Variants in SASH1 observed in about 807,000 individuals in gnomAD.
The protein encoded by SASH1 is SAM and SH3 domain containing 1, also known as SAM and SH3 domain-containing protein 1.
Under a neutral mutation model 125.2 loss-of-function variants are expected in SASH1, and 44 were observed. That is an observed-to-expected ratio of 0.35 (90% CI 0.28 to 0.45). The LOEUF is 0.45. Ranked by LOEUF, SASH1 falls within the 20% of genes least tolerant of loss-of-function variation. The probability of loss-of-function intolerance (pLI) is 1.00; values close to 1 mark genes in which losing one functional copy is unlikely to be tolerated. For synonymous variants in SASH1, 639 were observed against 649.1 expected (o/e 0.98, Z 0.24); for missense variants, 1,426 against 1,614.5 (o/e 0.88, Z 2.00).
At chr6:148,367,781 T>C (rs73603304) in intron 1 of SASH1, among the ~76,000 whole-genome samples, 2,022 of 152,332 alleles carry the variant, frequency 0.013, 42 homozygotes, top group African/African-American at 0.046. Flanking sequence ...TTTCATTTTC[T>C]TATCTGCAGT....
intron 1 of SASH1, among the ~76,000 whole-genome samples, chr6:148,298,710 GAAGA>G: frequency 1.9e-5 from 1 of 51,872 alleles, no homozygotes; most frequent in Non-Finnish European, 3.6e-5. Flanking sequence ...AGGAAGGAAG[GAAGA>G]AGGAAGGGAA....
the SASH1 span, among the ~76,000 whole-genome samples, chr6:148,245,775 C>G: frequency 9.9e-5 from 15 of 151,912 alleles, no homozygotes; most frequent in Admixed American, 3.3e-4. Context: ...ATCACGAGGT[C>G]AGGAGATCGA....
chr6:148,474,202 A>T lies in SASH1; in HGVS notation c.607A>T (p.Ile203Phe), dbSNP rs201123710. 1 of 1,603,622 alleles carries T rather than the reference A, an allele frequency of 6.2e-7. No homozygotes were observed. The highest frequency in any genetic ancestry group is 8.5e-7 in the Non-Finnish European group (1 of 1,173,936). The change falls in exon 7 of 20, where the codon ATT (isoleucine) becomes TTT (phenylalanine). Residue 203 changes from isoleucine (I) to phenylalanine (F), a missense_variant. Physicochemically the swap from Ile to Phe is conservative, Grantham distance 21 (BLOSUM62 0). Around this residue, in one of 3 missense-constraint regions of SASH1, gnomAD observed 567 missense variants for 575.6 expected, o/e 0.99. Transcript: ENST00000367467. Reference sequence around the variant, plus strand: ...GATGGTCAAAGAAAAGATGATCACAATTGAGGAAGCACTTGCTAGGGTAAG... The same window carrying T: ...GATGGTCAAAGAAAAGATGATCACATTTGAGGAAGCACTTGCTAGGGTAAG... ...MMMVKEKMITIEEALARLKEY... is the reference protein window; with the variant it reads ...MMMVKEKMITFEEALARLKEY...
chr6:148,206,573 C>T, the SASH1 span, among the ~76,000 whole-genome samples: 14 of 151,992 alleles, frequency 9.2e-5, no homozygotes, highest in Non-Finnish European at 1.6e-4. Context: ...GTGGACCACC[C>T]GAAGTCAGGA....
At chr6:148,437,208 T>C (rs1464742234) in intron 2 of SASH1, among the ~76,000 whole-genome samples, 2 of 152,214 alleles carry the variant, frequency 1.3e-5, no homozygotes, top group Non-Finnish European at 2.9e-5. Context: ...GTTTATTCCA[T>C]TTTTCTTTCT....
chr6:148,336,280 A>T (rs1025867019), intron 1 of SASH1, among the ~76,000 whole-genome samples: 6 of 145,348 alleles, frequency 4.1e-5, no homozygotes, highest in Non-Finnish European at 8.9e-5. Context: ...GGTTCAAGAG[A>T]TTCTCCTGCC....
At chr6:148,366,739 A>T (rs1244368315) in intron 1 of SASH1, among the ~76,000 whole-genome samples, 1 of 151,698 alleles carries the variant, frequency 6.6e-6, no homozygotes, top group Non-Finnish European at 1.5e-5. Context: ...CTGGGATTAC[A>T]GGTACGGGCC....
intron 2 of SASH1, among the ~76,000 whole-genome samples, chr6:148,420,275 A>T (rs1407601532): frequency 6.6e-6 from 1 of 152,150 alleles, no homozygotes; most frequent in Non-Finnish European, 1.5e-5. Context: ...ATTAAGAAAA[A>T]CCGATTTTAA....
intron 1 of SASH1, among the ~76,000 whole-genome samples, chr6:148,314,786 T>C (rs1262793918): frequency 7.0e-6 from 1 of 141,950 alleles, no homozygotes; most frequent in Non-Finnish European, 1.6e-5. Flanking sequence ...TTTTTTTTTT[T>C]TGAGACGGAG....
chr6:148,352,557 A>G (rs1265300628), intron 1 of SASH1, among the ~76,000 whole-genome samples: 1 of 151,786 alleles, frequency 6.6e-6, no homozygotes, highest in Non-Finnish European at 1.5e-5. Context: ...AGATCACACC[A>G]CCGTACTCCA....
intron 2 of SASH1, among the ~76,000 whole-genome samples, chr6:148,391,927 C>T (rs543369334): frequency 1.3e-5 from 2 of 152,304 alleles, no homozygotes; most frequent in East Asian, 3.9e-4. Flanking sequence ...TTTGAGCCAT[C>T]TCATATAGTG....
intron 1 of SASH1, among the ~76,000 whole-genome samples, chr6:148,360,326 G>A (rs1583020113): frequency 1.3e-5 from 2 of 151,646 alleles, no homozygotes; most frequent in East Asian, 3.9e-4. Context: ...GGCTGCCACA[G>A]GACTTGCTTT....
At position 148,544,360 on chromosome 6, in the gene SASH1, C is replaced by T; in HGVS notation, c.2890C>T (p.Leu964=). 1.2e-6 allele frequency: 2 copies of T among 1,614,192 alleles called. No homozygotes were observed. Among genetic ancestry groups the T allele is most frequent in the Non-Finnish European group, 1.7e-6 (2 of 1,180,030 alleles). Reference sequence around the variant, plus strand: ...CGAGTTTGAAGGAACACACCATCCCCTGGGCACCAAAGAAGGGGTAGATGC... The same window carrying T: ...CGAGTTTGAAGGAACACACCATCCCTTGGGCACCAAAGAAGGGGTAGATGC... The part of the protein sequence containing the change: ...GHEFEGTHHP[L]GTKEGVDAEQ... The change falls in exon 18 of 20, where the codon CTG becomes TTG. Residue 964 remains leucine (L), a synonymous_variant. Coordinates refer to ENST00000367467, the MANE Select transcript of SASH1 (RefSeq NM_015278.5). This position sits in a 1 kb window ranked among gnomAD's most constrained non-coding sequence, Gnocchi z 6.4.
the SASH1 span, among the ~76,000 whole-genome samples, chr6:148,258,031 C>T: frequency 6.6e-6 from 1 of 152,096 alleles, no homozygotes; most frequent in Non-Finnish European, 1.5e-5. Flanking sequence ...CTGGCAAGCA[C>T]ATAAAAATGT....
chr6:148,316,173 G>A (rs914869887), intron 1 of SASH1, among the ~76,000 whole-genome samples: 1 of 152,168 alleles, frequency 6.6e-6, no homozygotes, highest in Non-Finnish European at 1.5e-5. Context: ...TGGAGTCAGA[G>A]TGCAATGTTT....
At chr6:148,313,017 C>A (rs1412302704) in intron 1 of SASH1, among the ~76,000 whole-genome samples, 1 of 152,064 alleles carries the variant, frequency 6.6e-6, no homozygotes, top group Non-Finnish European at 1.5e-5. Flanking sequence ...CTAAATGACA[C>A]CAGCAAGACA....
chr6:148,363,715 T>G (rs1782341194), intron 1 of SASH1, among the ~76,000 whole-genome samples: 1 of 151,912 alleles, frequency 6.6e-6, no homozygotes, highest in South Asian at 2.1e-4. Context: ...AGGCTCTTCT[T>G]AACCTCTGCT....
At chr6:148,276,676 A>C (rs1356674155) in intron 1 of SASH1, among the ~76,000 whole-genome samples, 2 of 152,186 alleles carry the variant, frequency 1.3e-5, no homozygotes, top group African/African-American at 4.8e-5. Context: ...GGGAAATTGC[A>C]CTTCCAGGAT....
chr6:148,432,737 T>C (rs1013639708), intron 2 of SASH1, among the ~76,000 whole-genome samples: 1 of 152,206 alleles, frequency 6.6e-6, no homozygotes, highest in African/African-American at 2.4e-5. Flanking sequence ...TTGGCAGCAT[T>C]AAGGGAGGAG....
Sources: gnomAD v4.1 joint callset for allele counts (sites outside exome capture counted in the v4.1 genomes callset) on GRCh38, gnomAD v4.1.1 for gene constraint, gnomAD v4.1.1 regional missense constraint, Gnocchi (gnomAD v3.1) non-coding constraint, MANE v1.5 for transcripts, NCBI Gene and HGNC (gene_info 2026-07-23, HGNC 2026-07-21) for gene names.